Variants in IKZF1 observed in about 807,000 individuals in gnomAD.
IKZF1 encodes the protein IKAROS family zinc finger 1, also known as DNA-binding protein Ikaros.
IKZF1 carries 10 observed loss-of-function variants against 51.7 expected under a neutral mutation model. The ratio of observed to expected loss-of-function variants is 0.19; its 90% CI spans 0.12 to 0.33. The LOEUF is 0.33. Ranked by LOEUF, IKZF1 falls within the 10% of genes least tolerant of loss-of-function variation. The pLI is 1.00. For missense variants in IKZF1, 484 were observed against 707.5 expected, an observed-to-expected ratio of 0.68 and a Z score of 3.58; for synonymous variants, 280 against 282.3, an observed-to-expected ratio of 0.99 and a Z score of 0.08.
At chr7:50,378,940 A>C (rs1013471857) in intron 4 of IKZF1, among the ~76,000 whole-genome samples, 2 of 152,258 alleles carry the variant, frequency 1.3e-5, no homozygotes, top group African/African-American at 2.4e-5. Context: ...GGTTTGAATA[A>C]CTAGACATGC....
rs1446212014 is a variant in IKZF1, at chr7:50,387,453, C to T, written c.698C>T (p.Pro233Leu). The change falls in exon 6 of 8, where the codon CCG (proline) becomes CTG (leucine). Residue 233 changes from proline to leucine, a missense_variant. Coordinates refer to ENST00000331340, the MANE Select transcript of IKZF1 (RefSeq NM_006060.6). ...CHNYLESMGL[P>L]GTLYPVIKEE... Reference sequence around the variant, plus strand: ...AACTACTTGGAAAGCATGGGCCTTCCGGGCACACTGTACCCAGGTAAGCGC... The same window carrying T: ...AACTACTTGGAAAGCATGGGCCTTCTGGGCACACTGTACCCAGGTAAGCGC... 1.2e-6 allele frequency: 2 copies of T among 1,611,140 alleles called. No individual in the cohort carries two copies. Among genetic ancestry groups the T allele is most frequent in the South Asian group, 1.1e-5 (1 of 90,546 alleles).
intron 3 of IKZF1, among the ~76,000 whole-genome samples, chr7:50,357,736 C>T (rs1803899886): frequency 6.6e-6 from 1 of 152,216 alleles, no homozygotes; most frequent in Non-Finnish European, 1.5e-5. Flanking sequence ...CAGAGGGCCT[C>T]ATTTCATAAA....
intron 3 of IKZF1, among the ~76,000 whole-genome samples, chr7:50,364,179 G>A (rs1806110563): frequency 2.0e-5 from 3 of 152,166 alleles, no homozygotes; most frequent in Admixed American, 2.0e-4. Flanking sequence ...TCTCAAGTAG[G>A]TTTAGCCTCT....
rs1803854548 is a variant in IKZF1, at chr7:50,357,610, A to G, written c.161-18923A>G. On this transcript the variant is annotated intron_variant, in intron 3 of 7. Transcript: ENST00000331340. ...TGTTTATAAATTGCAACATCCCTGG[A>G]CAGATCTTGGATTTTCCCTCTATAA... Among the ~76,000 whole-genome samples the G allele has an allele frequency of 2.0e-5, 3 of 152,206 alleles. No individual in the cohort carries two copies. In the South Asian group the frequency reaches 6.2e-4, roughly 32 times the overall value.
chr7:50,402,972 C>T lies in IKZF1; in HGVS notation c.*2345C>T, dbSNP rs1472993524. 2 of 227,404 alleles carry T rather than the reference C, an allele frequency of 8.8e-6. No individual in the cohort carries two copies. The highest frequency in any genetic ancestry group is 2.2e-5 in the African/African-American group (1 of 44,980). The allele number at this position is 227,404 out of a possible 1,614,324, so 14.1% of individuals were successfully genotyped here. ...CAGTTTGTTGCAAATTTCACCTACTCTGTTCTTTTCCATCCATCCCCCTGA... is the reference window on the plus strand; with the variant it reads ...CAGTTTGTTGCAAATTTCACCTACTTTGTTCTTTTCCATCCATCCCCCTGA... On this transcript the variant is annotated 3_prime_UTR_variant, in exon 8 of 8. Transcript: ENST00000331340.
chr7:50,356,445 A>G lies in IKZF1; in HGVS notation c.161-20088A>G, dbSNP rs1404208209. Among the ~76,000 whole-genome samples, 18 of 152,116 alleles carry G rather than the reference A, an allele frequency of 1.2e-4. No individual in the cohort carries two copies. In the East Asian group the frequency reaches 3.5e-3, roughly 29 times the overall value. On this transcript the variant is annotated intron_variant, in intron 3 of 7. Coordinates refer to ENST00000331340, the MANE Select transcript of IKZF1 (RefSeq NM_006060.6). ...TAGCAGTTTAATTTAGACCCAAGAA[A>G]GGCTGTGTGTGTGTGAATTTGTGAG...
chr7:50,368,562 G>A (rs1451997357), intron 3 of IKZF1: 3 of 546,058 alleles, frequency 5.5e-6, no homozygotes, highest in Non-Finnish European at 9.7e-6. Context: ...TTATTCTGTG[G>A]TGCATCGCTG....
In IKZF1 at chr7:50,400,006, AGCCATCAACAAC is replaced by A. The variant is rs775548289; in HGVS notation, c.949_960del (p.Asn317_Asn320del). ...TGATGAAGTCCCACGTGATGGACCAAGCCATCAACAACGCCATCAACTACCTGGGGGCCGAGT... is the reference window on the plus strand; with the variant it reads ...TGATGAAGTCCCACGTGATGGACCAAGCCATCAACTACCTGGGGGCCGAGT... On this transcript the variant is annotated inframe_deletion, in exon 8 of 8. Coordinates refer to ENST00000331340, the MANE Select transcript of IKZF1 (RefSeq NM_006060.6). The surrounding 1 kb of genome is among the most constrained non-coding windows in gnomAD (Gnocchi z 5.4). 6.2e-7 allele frequency: 1 copy of A among 1,613,364 alleles called. No individual in the cohort carries two copies. Among genetic ancestry groups the A allele is most frequent in the Non-Finnish European group, 8.5e-7 (1 of 1,179,736 alleles).
At chr7:50,350,195 G>A (rs1801488077) in intron 3 of IKZF1, among the ~76,000 whole-genome samples, 1 of 152,228 alleles carries the variant, frequency 6.6e-6, no homozygotes, top group South Asian at 2.1e-4. Context: ...TGTTGATGCT[G>A]TATCCTTGAA....
At chr7:50,316,850 A>C (rs1791696384) in intron 1 of IKZF1, among the ~76,000 whole-genome samples, 1 of 152,242 alleles carries the variant, frequency 6.6e-6, no homozygotes, top group Non-Finnish European at 1.5e-5. Flanking sequence ...TTGCCTTAGG[A>C]AACATCTTTT....
chr7:50,341,433 G>A (rs1476304522), intron 3 of IKZF1, among the ~76,000 whole-genome samples: 7 of 152,116 alleles, frequency 4.6e-5, no homozygotes, highest in African/African-American at 1.4e-4. Context: ...GTGAGGCACC[G>A]TATCCAGGCT....
intron 6 of IKZF1, 113 bp downstream of exon 6, chr7:50,387,583 G>T (rs1019974342): frequency 1.3e-5 from 18 of 1,376,208 alleles, no homozygotes; most frequent in Non-Finnish European, 1.7e-5. Flanking sequence ...GCTTCCTGCC[G>T]GGGCTAGGAG....
intron 1 of IKZF1, among the ~76,000 whole-genome samples, chr7:50,317,740 A>G (rs979714692): frequency 2.6e-5 from 4 of 152,238 alleles, no homozygotes; most frequent in African/African-American, 4.8e-5. Context: ...GAAAATACAT[A>G]TTCCATATGT....
At chr7:50,379,523 A>T (rs968892352) in intron 4 of IKZF1, among the ~76,000 whole-genome samples, 2 of 152,226 alleles carry the variant, frequency 1.3e-5, no homozygotes, top group African/African-American at 4.8e-5. Flanking sequence ...TTCCCCACCA[A>T]TGTCTCAGGG....
intron 3 of IKZF1, among the ~76,000 whole-genome samples, chr7:50,345,552 A>C (rs1338075898): frequency 6.6e-6 from 1 of 152,168 alleles, no homozygotes; most frequent in African/African-American, 2.4e-5. Context: ...AGAATCAGCT[A>C]ATGAGACAGA....
At chr7:50,363,875 A>G (rs1806004905) in intron 3 of IKZF1, among the ~76,000 whole-genome samples, 2 of 152,020 alleles carry the variant, frequency 1.3e-5, no homozygotes, top group African/African-American at 2.4e-5. Context: ...TGTGACTCTC[A>G]CTAGCTCAGT....
rs963867333 is a variant in IKZF1 at position 50,331,830 on chromosome 7, C to T, written c.160+4073C>T. On this transcript the variant is annotated intron_variant, in intron 3 of 7. Transcript: ENST00000331340. ...CCTCAGTTGGCCTCCATTTTCTTCC[C>T]GGTCTGAAGAAAATGAAACAAAGGA... Among the ~76,000 whole-genome samples, 13 of 152,214 alleles carry T rather than the reference C, an allele frequency of 8.5e-5. No individual in the cohort carries two copies. In the East Asian group the frequency reaches 1.5e-3, roughly 18 times the overall value.
At chr7:50,305,503 G>A (rs973021992) in intron 1 of IKZF1, among the ~76,000 whole-genome samples, 2 of 152,192 alleles carry the variant, frequency 1.3e-5, no homozygotes, top group African/African-American at 2.4e-5. Flanking sequence ...CGCTGCTGAT[G>A]CCTAAGGAAC....
At chr7:50,393,043 T>G (rs1460053787) in intron 7 of IKZF1, among the ~76,000 whole-genome samples, 1 of 152,142 alleles carries the variant, frequency 6.6e-6, no homozygotes, top group Non-Finnish European at 1.5e-5. Flanking sequence ...AGCACTGGCA[T>G]ATTTTTTATG....
Sources: allele counts gnomAD v4.1 joint callset (sites outside exome capture counted in the v4.1 genomes callset), GRCh38; gene constraint gnomAD v4.1.1; non-coding constraint Gnocchi (gnomAD v3.1); transcripts MANE v1.5; gene names NCBI Gene and HGNC (gene_info 2026-07-23, HGNC 2026-07-21).